EVL: variants seen among roughly 807,000 people sequenced by gnomAD.
EVL encodes ena/VASP-like protein.
Under a neutral mutation model 59.6 loss-of-function variants are expected in EVL, and 21 were observed. The observed-to-expected ratio is 0.35, with a 90% confidence interval of 0.25 to 0.51. EVL has a LOEUF of 0.51. EVL is among the 20% of genes least tolerant of loss of function. The pLI, the probability that EVL is intolerant of heterozygous loss-of-function variation, is 0.97. For synonymous variants in EVL, 198 were observed against 203.5 expected, an observed-to-expected ratio of 0.97 and a Z score of 0.23; for missense variants, 462 against 546.6, an observed-to-expected ratio of 0.85 and a Z score of 1.54.
chr14:100,003,679 A>G (rs1045231816), intron 1 of EVL, among the ~76,000 whole-genome samples: 5 of 152,180 alleles, frequency 3.3e-5, no homozygotes, highest in Non-Finnish European at 7.3e-5. Context: ...TTGGTCTCTC[A>G]AAGCACTGGG....
At chr14:100,116,469 C>G (rs1179700730) in intron 3 of EVL, among the ~76,000 whole-genome samples, 1 of 152,216 alleles carries the variant, frequency 6.6e-6, no homozygotes, top group Non-Finnish European at 1.5e-5. Flanking sequence ...TGAGCCCATC[C>G]CTTCCATCCC....
At chr14:100,031,500 G>A (rs1002753980) in intron 1 of EVL, among the ~76,000 whole-genome samples, 4 of 152,222 alleles carry the variant, frequency 2.6e-5, no homozygotes, top group African/African-American at 7.2e-5. Flanking sequence ...GCTATAACAT[G>A]CTTTTGAATT....
chr14:100,015,435 C>T (rs1193641781), intron 1 of EVL, among the ~76,000 whole-genome samples: 4 of 152,200 alleles, frequency 2.6e-5, no homozygotes, highest in African/African-American at 4.8e-5. Flanking sequence ...AAGTCCCGGG[C>T]AGCTCACATG....
At chr14:100,063,776 A>G (rs2061878459), upstream of EVL, among the ~76,000 whole-genome samples, 1 of 152,210 alleles carries the variant, frequency 6.6e-6, no homozygotes, top group Non-Finnish European at 1.5e-5. Context: ...CCTTGTGCAT[A>G]TGCTACATCC....
intron 3 of EVL, among the ~76,000 whole-genome samples, chr14:100,113,497 G>A (rs1334617160): frequency 6.6e-6 from 1 of 152,174 alleles, no homozygotes; most frequent in Non-Finnish European, 1.5e-5. Flanking sequence ...AAGTCCCAGT[G>A]AAAGGAAGTG....
chr14:100,141,713 C>T (rs566239959), intron 12 of EVL, 23 bp from the exon 13 acceptor site: 1 of 1,612,106 alleles, frequency 6.2e-7, no homozygotes, highest in Non-Finnish European at 8.5e-7. Flanking sequence ...TGTCCCTTCA[C>T]CTGGACACTC....
At chr14:100,013,447 G>C (rs2061029847) in intron 1 of EVL, among the ~76,000 whole-genome samples, 1 of 152,204 alleles carries the variant, frequency 6.6e-6, no homozygotes, top group African/African-American at 2.4e-5. Flanking sequence ...CCCATTTTAG[G>C]ATGAGGAAAC....
chr14:100,004,128 CG>C (rs1326954613), intron 1 of EVL, among the ~76,000 whole-genome samples: 4 of 152,154 alleles, frequency 2.6e-5, no homozygotes, highest in Admixed American at 2.6e-4. Flanking sequence ...CACTTGAACC[CG>C]GGAGGCAGAG....
intron 1 of EVL, among the ~76,000 whole-genome samples, chr14:100,028,540 C>A (rs369366010): frequency 1.3e-5 from 2 of 152,138 alleles, no homozygotes; most frequent in South Asian, 2.1e-4. Flanking sequence ...CGGCCGGGCG[C>A]GGTGGCTCAC....
Position 100,081,132 on chromosome 14 carries a change from A to G in EVL, c.12-3555A>G, listed in dbSNP as rs954519133. On this transcript the variant is annotated intron_variant, in intron 1 of 13. Transcript: ENST00000392920. ...CTGTCTCTACAATAACAATAATAAT[A>G]ATACAAAATTAGATTTCCTCAAGGG... Among the ~76,000 whole-genome samples the G allele has an allele frequency of 5.3e-5, 8 of 152,242 alleles. No homozygotes were observed. In the East Asian group the frequency reaches 1.5e-3, roughly 29 times the overall value.
At position 99,979,784 on chromosome 14, in the gene EVL, G is replaced by C. The variant is rs182160354; in HGVS notation, c.5+7727G>C. ...CTCGGGAGGCTGAGGCAGGAGAATG[G>C]TGCGAACCCGGGAGGCAGAGCTTGC... On this transcript the variant is annotated intron_variant, in intron 1 of 13. Transcript: ENST00000402714. Among the ~76,000 whole-genome samples, 527 of 152,302 alleles carry C rather than the reference G, an allele frequency of 3.5e-3. 1 individual carries two copies. The highest frequency in any genetic ancestry group is 5.2e-3 in the Admixed American group (80 of 15,308).
intron 1 of EVL, among the ~76,000 whole-genome samples, chr14:100,034,078 A>C (rs1206496355): frequency 6.8e-6 from 1 of 147,668 alleles, no homozygotes; most frequent in African/African-American, 2.7e-5. Flanking sequence ...ATACAAACAA[A>C]AAACAAAAAA....
chr14:100,061,742 G>T (rs1333239788), upstream of EVL, among the ~76,000 whole-genome samples: 2 of 151,932 alleles, frequency 1.3e-5, no homozygotes, highest in African/African-American at 2.4e-5. Context: ...TACATACTTT[G>T]TATATTATGT....
At chr14:100,005,710 ATTGAGCTTCTTTTAAAAAAC>A (rs1489706278) in intron 1 of EVL, among the ~76,000 whole-genome samples, 1 of 151,902 alleles carries the variant, frequency 6.6e-6, no homozygotes, top group African/African-American at 2.4e-5. Flanking sequence ...ACTTTTAACC[ATTGAGCTTCTTTTAAAAAAC>A]TTTTTAAATC....
At chr14:99,996,170 T>C (rs1249740083) in intron 1 of EVL, among the ~76,000 whole-genome samples, 14 of 151,502 alleles carry the variant, frequency 9.2e-5, no homozygotes, top group South Asian at 4.1e-4. Flanking sequence ...TTTTTTTTTT[T>C]CCAATGGTGC....
rs1200715667 is a variant in EVL, at chr14:100,137,635, T to G, written c.1022T>G (p.Ile341Ser). 1.1e-5 allele frequency: 18 copies of G among 1,614,124 alleles called. No homozygotes were observed. The highest frequency in any genetic ancestry group is 3.3e-5 in the Admixed American group (2 of 60,028). The change falls in exon 10 of 14, where the codon ATT (isoleucine) becomes AGT (serine). Residue 341 changes from isoleucine to serine, a missense_variant. By Grantham distance (142) the Ile-to-Ser change is moderately radical. Coordinates refer to ENST00000392920, the MANE Select transcript of EVL (RefSeq NM_016337.3). The part of the protein sequence containing the change: ...SNSVEKPVSS[I>S]LSRTPSVAKS... ...TCGGTGGAGAAGCCTGTGTCCTCGA[T>G]TCTGTCCAGGTGAGCTGCCCCAGGA... is the stretch of plus-strand genomic sequence containing the variant.
chr14:99,990,993 C>A (rs767450225), intron 1 of EVL, among the ~76,000 whole-genome samples: 3 of 152,076 alleles, frequency 2.0e-5, no homozygotes, highest in Non-Finnish European at 4.4e-5. Context: ...CTATGCTGAT[C>A]TGCTTATATG....
At chr14:100,085,423 A>G (rs1326375836) in intron 2 of EVL, among the ~76,000 whole-genome samples, 2 of 152,244 alleles carry the variant, frequency 1.3e-5, no homozygotes, top group Non-Finnish European at 2.9e-5. Context: ...ATGGCAAAAT[A>G]GTCTGATGTG....
At chr14:100,032,191 A>G (rs2061324360) in intron 1 of EVL, among the ~76,000 whole-genome samples, 1 of 152,220 alleles carries the variant, frequency 6.6e-6, no homozygotes, top group Non-Finnish European at 1.5e-5. Flanking sequence ...TGGAGAGAGG[A>G]TGCATGCAAA....
Sources: gnomAD v4.1 joint callset for allele counts (sites outside exome capture counted in the v4.1 genomes callset) on GRCh38, gnomAD v4.1.1 for gene constraint, MANE v1.5 for transcripts, NCBI Gene and HGNC (gene_info 2026-07-23, HGNC 2026-07-21) for gene names.